ME3: variants seen among roughly 807,000 people sequenced by gnomAD.
The protein encoded by ME3 is NADP-dependent malic enzyme, mitochondrial.
In ME3, 48 loss-of-function variants were observed where a neutral mutation model predicts 68.9. That is an observed-to-expected ratio of 0.70 (90% CI 0.55 to 0.89). The LOEUF (loss-of-function observed/expected upper bound fraction) is 0.89, where lower values mean the gene tolerates loss of function less well. ME3 is among the 40% of genes least tolerant of loss of function. The pLI is 0.00. For missense variants in ME3, 675 were observed against 797.4 expected, an observed-to-expected ratio of 0.85 and a Z score of 1.85; for synonymous variants, 320 against 318.8, an observed-to-expected ratio of 1.00 and a Z score of -0.04.
At chr11:86,524,715 C>T (rs1020466557) in intron 4 of ME3, among the ~76,000 whole-genome samples, 1 of 152,170 alleles carries the variant, frequency 6.6e-6, no homozygotes, top group Non-Finnish European at 1.5e-5. Flanking sequence ...GAACAGAATG[C>T]AGTTTTCAAA....
At chr11:86,448,244 G>T in exon 11 of ME3, 1 of 1,613,952 alleles carries the variant, frequency 6.2e-7, no homozygotes, top group Non-Finnish European at 8.5e-7. Context: ...CATGGTTCAG[G>T]TGGCTCCTCC....
At chr11:86,653,500 G>T (rs1370917697) in intron 2 of ME3, among the ~76,000 whole-genome samples, 1 of 152,164 alleles carries the variant, frequency 6.6e-6, no homozygotes, top group African/African-American at 2.4e-5. Flanking sequence ...TGACTACTGG[G>T]TACATAACAA....
At chr11:86,606,544 C>G (rs1024999351) in intron 2 of ME3, among the ~76,000 whole-genome samples, 2 of 152,198 alleles carry the variant, frequency 1.3e-5, no homozygotes, top group Non-Finnish European at 2.9e-5. Context: ...CAGGTATCCC[C>G]CTTGGCCCCA....
At chr11:86,485,582 G>C (rs991067292) in intron 7 of ME3, among the ~76,000 whole-genome samples, 2 of 151,874 alleles carry the variant, frequency 1.3e-5, no homozygotes, top group Non-Finnish European at 2.9e-5. Flanking sequence ...CTTATTCCAC[G>C]TACTATCCAA....
At chr11:86,448,318 G>T in intron 10 of ME3, 63 bp from the exon 11 acceptor site, 6 of 1,253,860 alleles carry the variant, frequency 4.8e-6, no homozygotes, top group Non-Finnish European at 1.2e-6. Flanking sequence ...GAGTACAGAT[G>T]CATTTGGAAA....
intron 6 of ME3, among the ~76,000 whole-genome samples, chr11:86,495,223 G>C (rs1952247853): frequency 6.6e-6 from 1 of 152,138 alleles, no homozygotes; most frequent in South Asian, 2.1e-4. Flanking sequence ...TAAAAAAGAG[G>C]GTAATGATAG....
intron 4 of ME3, among the ~76,000 whole-genome samples, chr11:86,521,600 G>A (rs1432657571): frequency 6.6e-6 from 1 of 152,128 alleles, no homozygotes; most frequent in Non-Finnish European, 1.5e-5. Flanking sequence ...AGGTATGAAT[G>A]TCACTGCCTC....
At chr11:86,599,498 G>A (rs1438648214) in intron 2 of ME3, among the ~76,000 whole-genome samples, 1 of 152,224 alleles carries the variant, frequency 6.6e-6, no homozygotes, top group Non-Finnish European at 1.5e-5. Context: ...AAGTGACGGG[G>A]AGAATGGAAA....
chr11:86,501,962 T>C (rs1440803525), intron 5 of ME3, among the ~76,000 whole-genome samples: 1 of 152,190 alleles, frequency 6.6e-6, no homozygotes, highest in Admixed American at 6.5e-5. Context: ...CCCAGATATA[T>C]CACTTTCTTG....
downstream of ME3, among the ~76,000 whole-genome samples, chr11:86,439,146 G>T (rs1565778368): frequency 6.6e-6 from 1 of 152,182 alleles, no homozygotes; most frequent in Non-Finnish European, 1.5e-5. Flanking sequence ...TGATTTAAAT[G>T]TTACTCTCAT....
intron 2 of ME3, among the ~76,000 whole-genome samples, chr11:86,658,159 C>A (rs565754413): frequency 6.6e-6 from 1 of 151,382 alleles, no homozygotes; most frequent in Non-Finnish European, 1.5e-5. Context: ...CAATCTCATG[C>A]TGTCGCCCAG....
intron 2 of ME3, among the ~76,000 whole-genome samples, chr11:86,576,358 C>G (rs1375620595): frequency 1.3e-5 from 2 of 152,150 alleles, no homozygotes; most frequent in Non-Finnish European, 2.9e-5. Flanking sequence ...CCTCAGTGCA[C>G]TTCAAACCTT....
intron 8 of ME3, chr11:86,462,812 C>A: frequency 2.5e-6 from 1 of 399,160 alleles, no homozygotes; most frequent in South Asian, 1.9e-5. Flanking sequence ...ACCTGAGGGG[C>A]ACCCAAATCA....
At chr11:86,656,714 G>A (rs148098636) in intron 2 of ME3, among the ~76,000 whole-genome samples, 5,951 of 152,030 alleles carry the variant, frequency 0.039, 151 homozygotes, top group Non-Finnish European at 0.059. Context: ...AAACCTGCAC[G>A]TTGTGCACAT....
chr11:86,455,938 C>T (rs1368421617), intron 8 of ME3, among the ~76,000 whole-genome samples: 2 of 152,230 alleles, frequency 1.3e-5, no homozygotes, highest in Non-Finnish European at 2.9e-5. Context: ...TGACCCTCTT[C>T]TGAAATCCCC....
At chr11:86,585,604 T>C (rs934617196) in intron 2 of ME3, among the ~76,000 whole-genome samples, 2 of 152,296 alleles carry the variant, frequency 1.3e-5, no homozygotes, top group East Asian at 1.9e-4. Flanking sequence ...TTTATATACA[T>C]TGAGTTTTCC....
chr11:86,596,173 G>C (rs145152926), intron 2 of ME3, among the ~76,000 whole-genome samples: 27 of 152,240 alleles, frequency 1.8e-4, no homozygotes, highest in African/African-American at 6.3e-4. Flanking sequence ...TATTTGAAGG[G>C]ATTATTCATT....
intron 7 of ME3, among the ~76,000 whole-genome samples, chr11:86,471,210 G>T (rs1950768536): frequency 7.1e-6 from 1 of 140,518 alleles, no homozygotes; most frequent in Non-Finnish European, 1.5e-5. Context: ...GAGTGCAGTG[G>T]CAACCTCCTC....
At chr11:86,649,652 C>T (rs1044579207) in intron 2 of ME3, among the ~76,000 whole-genome samples, 1 of 152,174 alleles carries the variant, frequency 6.6e-6, no homozygotes, top group African/African-American at 2.4e-5. Flanking sequence ...AAATCACAAG[C>T]ATTCATATAC....
Sources: gnomAD v4.1 joint callset for allele counts (sites outside exome capture counted in the v4.1 genomes callset) on GRCh38, gnomAD v4.1.1 for gene constraint, MANE v1.5 for transcripts, NCBI Gene and HGNC (gene_info 2026-07-23, HGNC 2026-07-21) for gene names.